PRR33: variants seen among roughly 807,000 people sequenced by gnomAD.
The protein encoded by PRR33 is proline rich 33.
PRR33 carries 1 observed loss-of-function variant against 0.5 expected under a neutral mutation model. The observed-to-expected ratio is 2.18, with a 90% CI of 0.77 to 10.34. PRR33 has a LOEUF of 10.34. Among genes scored for constraint, PRR33 ranks in the 30% most tolerant of loss-of-function variants. The pLI is 0.13. For missense variants in PRR33, 552 were observed against 251.8 expected, an observed-to-expected ratio of 2.19 and a Z score of -8.07; for synonymous variants, 226 against 110.0, an observed-to-expected ratio of 2.06 and a Z score of -6.60.
chr11:1,901,849 A>C, the PRR33 span, among the ~76,000 whole-genome samples: 1 of 152,276 alleles, frequency 6.6e-6, no homozygotes, highest in Non-Finnish European at 1.5e-5. Flanking sequence ...GTGGAGATGT[A>C]AATTTCTTTC....
At chr11:1,902,054 G>C in the PRR33 span, among the ~76,000 whole-genome samples, 1 of 152,012 alleles carries the variant, frequency 6.6e-6, no homozygotes, top group African/African-American at 2.4e-5. Context: ...AACATGGTGA[G>C]ATCCCGTCTC....
upstream of PRR33, among the ~76,000 whole-genome samples, chr11:1,894,211 CTGGGAGTG>C (rs1451096520): frequency 7.7e-6 from 1 of 130,480 alleles, no homozygotes; most frequent in African/African-American, 2.8e-5. Context: ...GTTTCCCAGG[CTGGGAGTG>C]TGGGAGTGTG....
the PRR33 span, among the ~76,000 whole-genome samples, chr11:1,901,122 C>T: frequency 2.6e-5 from 4 of 152,030 alleles, no homozygotes; most frequent in African/African-American, 9.7e-5. Flanking sequence ...CCAGCCTGGC[C>T]AATATGGTGA....
At chr11:1,915,481 C>T in the PRR33 span, among the ~76,000 whole-genome samples, 10 of 120,174 alleles carry the variant, frequency 8.3e-5, no homozygotes, top group East Asian at 2.6e-4. Flanking sequence ...TCACACACCT[C>T]AGATGATGTT....
At chr11:1,901,503 T>C in the PRR33 span, among the ~76,000 whole-genome samples, 1 of 152,256 alleles carries the variant, frequency 6.6e-6, no homozygotes, top group Non-Finnish European at 1.5e-5. Context: ...AATTTTCATT[T>C]GCCAGCTTTC....
upstream of PRR33, among the ~76,000 whole-genome samples, chr11:1,893,181 G>T (rs1259035778): frequency 8.1e-6 from 1 of 123,260 alleles, no homozygotes. Flanking sequence ...TGGGTGGGTG[G>T]ATGGATGGAT....
chr11:1,889,632 G>A, exon 1 of PRR33: 1 of 615,750 alleles, frequency 1.6e-6, no homozygotes, highest in Non-Finnish European at 3.0e-6. Flanking sequence ...TGGTGGGGTA[G>A]GGGATGAGGC....
At chr11:1,898,324 C>T in the PRR33 span, among the ~76,000 whole-genome samples, 4 of 152,114 alleles carry the variant, frequency 2.6e-5, no homozygotes, top group African/African-American at 9.7e-5. Context: ...CAACCTCCAC[C>T]TCCTGGGTTC....
exon 1 of PRR33, chr11:1,890,170 G>T (rs985449472): frequency 1.5e-5 from 11 of 717,004 alleles, no homozygotes; most frequent in Non-Finnish European, 2.9e-5. Flanking sequence ...AGAATCCTGC[G>T]CTGGGTGAGG....
At chr11:1,897,651 G>GT in the PRR33 span, among the ~76,000 whole-genome samples, 1 of 152,182 alleles carries the variant, frequency 6.6e-6, no homozygotes. The surrounding 1 kb of genome is among the most constrained non-coding windows in gnomAD (Gnocchi z 4.0). Flanking sequence ...TTAGTGGAAA[G>GT]TGTAGCCAAG....
the PRR33 span, among the ~76,000 whole-genome samples, chr11:1,897,809 T>C: frequency 1.3e-5 from 2 of 152,156 alleles, no homozygotes; most frequent in African/African-American, 4.8e-5. The surrounding 1 kb of genome is among the most constrained non-coding windows in gnomAD (Gnocchi z 4.0). Flanking sequence ...TTTAGCATCC[T>C]ACAGATGGCT....
the PRR33 span, among the ~76,000 whole-genome samples, chr11:1,901,961 G>A: frequency 3.3e-5 from 5 of 152,276 alleles, no homozygotes; most frequent in Middle Eastern, 0.01. Context: ...GGCCGGGCGC[G>A]GTGGCTCACG....
At chr11:1,917,628 G>A in the PRR33 span, among the ~76,000 whole-genome samples, 14 of 152,264 alleles carry the variant, frequency 9.2e-5, no homozygotes, top group Admixed American at 3.3e-4. Flanking sequence ...TGGCAGCAGG[G>A]CATGGGTTAC....
exon 1 of PRR33, chr11:1,889,709 C>A: frequency 1.5e-6 from 1 of 647,354 alleles, no homozygotes; most frequent in Non-Finnish European, 2.8e-6. Flanking sequence ...CCTCCAGGTG[C>A]TCTCTGCCAG....
chr11:1,909,182 A>G, the PRR33 span, among the ~76,000 whole-genome samples: 25 of 151,938 alleles, frequency 1.6e-4, no homozygotes, highest in African/African-American at 5.8e-4. Context: ...AGCCTGGGCA[A>G]CACAGTGAGT....
chr11:1,889,507 G>T, exon 1 of PRR33: 2 of 617,618 alleles, frequency 3.2e-6, no homozygotes, highest in Non-Finnish European at 5.9e-6. Flanking sequence ...CTCTGCCGCG[G>T]CTCTGGGCAC....
chr11:1,894,727 C>T (rs140155065), upstream of PRR33, among the ~76,000 whole-genome samples: 209 of 152,306 alleles, frequency 1.4e-3, no homozygotes, highest in African/African-American at 4.8e-3. Context: ...TGGTGGACAT[C>T]AGGGTGGTTT....
chr11:1,896,319 C>T (rs1294890481), upstream of PRR33, among the ~76,000 whole-genome samples: 1 of 152,220 alleles, frequency 6.6e-6, no homozygotes, highest in African/African-American at 2.4e-5. Flanking sequence ...TCTTCTTCCA[C>T]TTCTTCCAAG....
At chr11:1,914,893 C>T in the PRR33 span, among the ~76,000 whole-genome samples, 1 of 138,954 alleles carries the variant, frequency 7.2e-6, no homozygotes, top group Non-Finnish European at 1.5e-5. Flanking sequence ...TGAGGTCACA[C>T]ACCTGGGATG....
Sources: allele counts gnomAD v4.1 joint callset (sites outside exome capture counted in the v4.1 genomes callset), GRCh38; gene constraint gnomAD v4.1.1; non-coding constraint Gnocchi (gnomAD v3.1); transcripts MANE v1.5; gene names NCBI Gene and HGNC (gene_info 2026-07-23, HGNC 2026-07-21).